KHDRBS2: variants seen among roughly 807,000 people sequenced by gnomAD.
The protein encoded by KHDRBS2 is KH domain-containing, RNA-binding, signal transduction-associated protein 2.
KHDRBS2 carries 26 observed loss-of-function variants against 44.3 expected under a neutral mutation model. The ratio of observed to expected loss-of-function variants is 0.59; its 90% CI spans 0.43 to 0.81. The LOEUF (loss-of-function observed/expected upper bound fraction) is 0.81. KHDRBS2 is among the 40% of genes least tolerant of loss of function. The pLI, the probability that KHDRBS2 is intolerant of heterozygous loss-of-function variation, is 0.00. For missense variants in KHDRBS2, 476 were observed against 433.1 expected (o/e 1.10, Z -0.88); for synonymous variants, 194 against 151.1 (o/e 1.28, Z -2.08).
intron 4 of KHDRBS2, among the ~76,000 whole-genome samples, chr6:61,967,965 C>T (rs1770485238): frequency 1.3e-5 from 2 of 148,700 alleles, no homozygotes; most frequent in African/African-American, 5.0e-5. Flanking sequence ...TATACACACA[C>T]ACACACATGC....
In KHDRBS2 at chr6:61,867,982, G is replaced by A. The variant is rs187534278; in HGVS notation, c.810+26653C>T. On this transcript the variant is annotated intron_variant, in intron 6 of 8. Transcript: ENST00000281156. The stretch of plus-strand genomic sequence containing the variant: ...AGCCTGGCTGAGTTCTAGTAGAGCA[G>A]CTGTGCTATGTTGGGGGATCCCTTC... Among the ~76,000 whole-genome samples, 291 of 152,298 alleles carry A rather than the reference G, an allele frequency of 1.9e-3. 1 individual carries two copies. The highest frequency in any genetic ancestry group is 6.8e-3 in the African/African-American group (282 of 41,574).
chr6:62,051,252 T>C (rs1050457089), intron 2 of KHDRBS2, among the ~76,000 whole-genome samples: 20 of 152,058 alleles, frequency 1.3e-4, no homozygotes, highest in African/African-American at 4.6e-4. Context: ...TGTATGCAAA[T>C]AGCATTTTAA....
At chr6:62,170,675 C>T (rs575637475) in intron 2 of KHDRBS2, among the ~76,000 whole-genome samples, 1 of 152,208 alleles carries the variant, frequency 6.6e-6, no homozygotes, top group African/African-American at 2.4e-5. Context: ...CCACTGCCAC[C>T]ACCCTGATGA....
chr6:62,014,686 CTT>C (rs1780889652), intron 3 of KHDRBS2, among the ~76,000 whole-genome samples: 1 of 152,178 alleles, frequency 6.6e-6, no homozygotes, highest in Non-Finnish European at 1.5e-5. Flanking sequence ...AATAATTTCT[CTT>C]AAATAATATT....
chr6:61,559,700 T>C, the KHDRBS2 span, among the ~76,000 whole-genome samples: 27 of 152,178 alleles, frequency 1.8e-4, no homozygotes, highest in African/African-American at 6.3e-4. Context: ...AGACAACTTA[T>C]AAAAACTCTA....
intron 6 of KHDRBS2, among the ~76,000 whole-genome samples, chr6:61,892,762 TA>T (rs1802145007): frequency 6.6e-6 from 1 of 152,184 alleles, no homozygotes; most frequent in Admixed American, 6.5e-5. Flanking sequence ...CGAGATGGAT[TA>T]AAGACTTAAA....
rs796988102 is a variant in KHDRBS2 at position 61,983,204 on chromosome 6, C to CTTTCT, written c.337-4997_337-4993dup. On this transcript the variant is annotated intron_variant, in intron 3 of 8. Coordinates refer to ENST00000281156, the MANE Select transcript of KHDRBS2 (RefSeq NM_152688.4). ...GAGTAATTAAAGTTTTTTTCATTTTCTTTCTTTCTTTCTTTCTTTCTTTCT... is the reference window on the plus strand; with the variant it reads ...GAGTAATTAAAGTTTTTTTCATTTTCTTTCTTTTCTTTCTTTCTTTCTTTCTTTCT... Among the ~76,000 whole-genome samples, 216 of 50,876 alleles carry CTTTCT rather than the reference C, an allele frequency of 4.2e-3. 5 individuals are homozygous for CTTTCT. The highest frequency in any genetic ancestry group is 0.011 in the African/African-American group (148 of 13,342). The allele number at this position is 50,876 out of a possible 152,430, so 33.4% of individuals were successfully genotyped here.
At chr6:61,610,292 T>C in the KHDRBS2 span, among the ~76,000 whole-genome samples, 1 of 152,220 alleles carries the variant, frequency 6.6e-6, no homozygotes, top group Non-Finnish European at 1.5e-5. Flanking sequence ...GGAAAAATCA[T>C]ACCTATTTAG....
chr6:62,229,115 A>C (rs1261782981), intron 1 of KHDRBS2, among the ~76,000 whole-genome samples: 1 of 152,110 alleles, frequency 6.6e-6, no homozygotes, highest in Non-Finnish European at 1.5e-5. Flanking sequence ...GGAAAGTCTA[A>C]GTCTGCTGGT....
At chr6:61,579,326 C>A in the KHDRBS2 span, among the ~76,000 whole-genome samples, 1 of 152,094 alleles carries the variant, frequency 6.6e-6, no homozygotes. Flanking sequence ...TTATTAATAC[C>A]ATATTACAAC....
chr6:61,889,330 G>A (rs1801458162), intron 6 of KHDRBS2, among the ~76,000 whole-genome samples: 1 of 152,154 alleles, frequency 6.6e-6, no homozygotes, highest in South Asian at 2.1e-4. Flanking sequence ...GCTGCTGTCT[G>A]TTTTGAAGTG....
intron 3 of KHDRBS2, among the ~76,000 whole-genome samples, chr6:62,010,796 T>A (rs1780158333): frequency 6.6e-6 from 1 of 152,210 alleles, no homozygotes; most frequent in Non-Finnish European, 1.5e-5. Context: ...CTGTTAAATA[T>A]TTTAATGAAA....
chr6:62,116,381 T>C (rs1428887211), intron 2 of KHDRBS2, among the ~76,000 whole-genome samples: 1 of 152,156 alleles, frequency 6.6e-6, no homozygotes, highest in Non-Finnish European at 1.5e-5. Context: ...TCTTTGTTTC[T>C]GGTTTCTGAG....
chr6:61,892,628 C>T (rs1400663724), intron 6 of KHDRBS2, among the ~76,000 whole-genome samples: 6 of 152,006 alleles, frequency 3.9e-5, no homozygotes, highest in Admixed American at 3.9e-4. Flanking sequence ...CTTTGACAAA[C>T]CTGAGAAAAA....
intron 1 of KHDRBS2, among the ~76,000 whole-genome samples, chr6:62,257,056 T>C (rs1276417998): frequency 1.3e-5 from 2 of 152,112 alleles, no homozygotes; most frequent in Non-Finnish European, 2.9e-5. Context: ...AGGTCAAATG[T>C]AATTTCCATT....
chr6:61,613,716 C>A, the KHDRBS2 span, among the ~76,000 whole-genome samples: 2,436 of 152,250 alleles, frequency 0.016, 66 homozygotes, highest in African/African-American at 0.057. Flanking sequence ...CTGAATAATG[C>A]AAATTTGTGT....
At chr6:61,812,345 A>G (rs1181094969) in intron 6 of KHDRBS2, among the ~76,000 whole-genome samples, 4 of 152,096 alleles carry the variant, frequency 2.6e-5, no homozygotes, top group Non-Finnish European at 5.9e-5. Context: ...AGTGCTTGTC[A>G]CATGGTAGGT....
intron 6 of KHDRBS2, among the ~76,000 whole-genome samples, chr6:61,809,074 C>T (rs1787670241): frequency 6.6e-6 from 1 of 151,276 alleles, no homozygotes; most frequent in Non-Finnish European, 1.5e-5. Context: ...AGCCAGTGAA[C>T]TCCACTGGGA....
chr6:61,547,715 C>T, the KHDRBS2 span, among the ~76,000 whole-genome samples: 1 of 152,138 alleles, frequency 6.6e-6, no homozygotes, highest in Non-Finnish European at 1.5e-5. Flanking sequence ...GATGCCAGTA[C>T]TCTAGGTTCT....
Sources: allele counts gnomAD v4.1 joint callset (sites outside exome capture counted in the v4.1 genomes callset), GRCh38; gene constraint gnomAD v4.1.1; transcripts MANE v1.5; gene names NCBI Gene and HGNC (gene_info 2026-07-23, HGNC 2026-07-21).